Variants in YIPF5 observed in about 807,000 individuals in gnomAD.
YIPF5 encodes the protein Yip1 domain family member 5.
A neutral mutation model predicts 30.4 loss-of-function variants in YIPF5; 8 were observed. That is an observed-to-expected ratio of 0.26 (90% confidence interval 0.15 to 0.47). The LOEUF is 0.47. YIPF5 is among the 20% of genes least tolerant of loss of function. The pLI is 0.99. For missense variants in YIPF5, 282 were observed against 301.8 expected (o/e 0.93, Z 0.49); for synonymous variants, 104 against 107.9 (o/e 0.96, Z 0.23).
intron 5 of YIPF5, among the ~76,000 whole-genome samples, 155 bp from the exon 6 acceptor site, chr5:144,160,714 A>T (rs1437327642): frequency 1.3e-5 from 2 of 152,042 alleles, no homozygotes; most frequent in Admixed American, 6.5e-5. Context: ...TTTTTTTTCA[A>T]ATGCTAAAAT....
At position 144,159,042 on chromosome 5, in the gene YIPF5, T is replaced by G; in HGVS notation, c.*1355A>C. The G allele has an allele frequency of 1.0e-6, 1 of 984,436 alleles. No homozygotes were observed. The highest frequency in any genetic ancestry group is 1.2e-6 in the Non-Finnish European group (1 of 829,072). 61.0% of individuals were successfully genotyped at this position (984,436 alleles called of 1,614,324 possible). ...AATGATCAGTATACAAGATACAGTA[T>G]TTTCCTACAGATTCTCTCTGGCAAG... On this transcript the variant is annotated 3_prime_UTR_variant, in exon 6 of 6. Transcript: ENST00000274496.
In YIPF5 at chr5:144,158,478, G is replaced by A. The variant is rs904673673; in HGVS notation, c.*1919C>T. 51 of 1,270,598 alleles carry A rather than the reference G, an allele frequency of 4.0e-5. No homozygotes were observed. Among genetic ancestry groups the A allele is most frequent in the Non-Finnish European group, 4.9e-5 (48 of 982,876 alleles). 78.7% of individuals were successfully genotyped at this position (1,270,598 alleles called of 1,614,324 possible). A position where few individuals can be genotyped will look rare whatever the true frequency, so the allele number is the denominator to read the frequency against. On this transcript the variant is annotated 3_prime_UTR_variant, in exon 6 of 6. Coordinates refer to ENST00000274496, the MANE Select transcript of YIPF5 (RefSeq NM_030799.9). ...TTTGATCCATATGTGATATTTGGCTGAAGATTAACAGTGTTAAGTCTAACC... is the reference window on the plus strand; with the variant it reads ...TTTGATCCATATGTGATATTTGGCTAAAGATTAACAGTGTTAAGTCTAACC...
At chr5:144,163,834 G>A (rs1374733992) in intron 4 of YIPF5, 2 of 246,940 alleles carry the variant, frequency 8.1e-6, no homozygotes, top group East Asian at 1.5e-4. Context: ...ATTCTAATGA[G>A]GGACTGAAGC....
chr5:144,170,487 G>C (rs1273410843), intron 1 of YIPF5, 48 bp downstream of exon 1: 1 of 161,784 alleles, frequency 6.2e-6, no homozygotes, highest in Non-Finnish European at 1.4e-5. Context: ...CCATTTGCAC[G>C]GGTGTGGAGA....
chr5:144,162,534 A>T (rs1347275651), intron 4 of YIPF5, 135 bp from the exon 5 acceptor site: 8 of 789,818 alleles, frequency 1.0e-5, no homozygotes, highest in Non-Finnish European at 9.9e-6. Flanking sequence ...TTACGTAGAG[A>T]AGTAAAAGAC....
chr5:144,162,489 T>C (rs1269359758), intron 4 of YIPF5, 90 bp from the exon 5 acceptor site: 8 of 1,179,378 alleles, frequency 6.8e-6, no homozygotes, highest in Non-Finnish European at 9.6e-6. Context: ...AGCAAATAAT[T>C]TATGAGCATC....
Position 144,159,979 on chromosome 5 carries a change from A to G in YIPF5, c.*418T>C. On this transcript the variant is annotated 3_prime_UTR_variant, in exon 6 of 6. Coordinates refer to ENST00000274496, the MANE Select transcript of YIPF5 (RefSeq NM_030799.9). Reference sequence around the variant, plus strand: ...CGCCTCGGCCTCCCAAAGTGCTGGGATTACAGGCGTGAGCTACCACGCCCG... The same window carrying G: ...CGCCTCGGCCTCCCAAAGTGCTGGGGTTACAGGCGTGAGCTACCACGCCCG... The G allele has an allele frequency of 2.7e-5, 27 of 985,832 alleles. No individual in the cohort carries two copies. The highest frequency in any genetic ancestry group is 3.3e-5 in the Non-Finnish European group (27 of 830,080). 61.1% of individuals were successfully genotyped at this position (985,832 alleles called of 1,614,324 possible).
At chr5:144,160,855 T>C (rs867073124) in intron 5 of YIPF5, among the ~76,000 whole-genome samples, 1 of 152,184 alleles carries the variant, frequency 6.6e-6, no homozygotes, top group African/African-American at 2.4e-5. Flanking sequence ...CTGGATGCTA[T>C]CTTTGTTGTG....
At chr5:144,164,427 C>G (rs1752141406) in intron 3 of YIPF5, among the ~76,000 whole-genome samples, 171 bp from the exon 4 acceptor site, 1 of 151,924 alleles carries the variant, frequency 6.6e-6, no homozygotes, top group African/African-American at 2.4e-5. Flanking sequence ...TCTCCATCAC[C>G]CAGGCTGGAG....
rs1188284232 is a variant in YIPF5, at chr5:144,159,189, T to C, written c.*1208A>G. On this transcript the variant is annotated 3_prime_UTR_variant, in exon 6 of 6. Coordinates refer to ENST00000274496, the MANE Select transcript of YIPF5 (RefSeq NM_030799.9). ...TGATTTCTATTCTTAAAGCTTAAAT[T>C]AGGGGTCAAAATCAGAGCCTAGTTA... is the stretch of plus-strand genomic sequence containing the variant. 1.0e-6 allele frequency: 1 copy of C among 985,136 alleles called. No homozygotes were observed. The highest frequency in any genetic ancestry group is 1.2e-6 in the Non-Finnish European group (1 of 829,668). 61.0% of individuals were successfully genotyped at this position (985,136 alleles called of 1,614,324 possible).
chr5:144,158,647 T>C lies in YIPF5; in HGVS notation c.*1750A>G, dbSNP rs1267017412. ...AAAGACAAAAATACTATCCAAGAAT[T>C]ACAATAAAAAATTTGGTTAAGTTGG... On this transcript the variant is annotated 3_prime_UTR_variant, in exon 6 of 6. Coordinates refer to ENST00000274496, the MANE Select transcript of YIPF5 (RefSeq NM_030799.9). The C allele has an allele frequency of 3.9e-6, 4 of 1,030,276 alleles. No homozygotes were observed. In the African/African-American group the frequency reaches 6.9e-5, roughly 18 times the overall value. 63.8% of individuals were successfully genotyped at this position (1,030,276 alleles called of 1,614,324 possible). A position where few individuals can be genotyped will look rare whatever the true frequency, so the allele number is the denominator to read the frequency against.
intron 3 of YIPF5, among the ~76,000 whole-genome samples, chr5:144,165,047 A>T (rs889220418): frequency 1.3e-5 from 2 of 152,152 alleles, no homozygotes; most frequent in African/African-American, 4.8e-5. Context: ...ACCACTTCCT[A>T]GGTTTTGGAA....
chr5:144,160,996 A>G (rs1273827238), intron 5 of YIPF5, among the ~76,000 whole-genome samples: 1 of 152,170 alleles, frequency 6.6e-6, no homozygotes, highest in Non-Finnish European at 1.5e-5. Context: ...TTCCTAGTTG[A>G]AAAAAGGGTT....
intron 3 of YIPF5, 88 bp downstream of exon 3, chr5:144,165,344 G>C: frequency 1.3e-6 from 2 of 1,508,548 alleles, no homozygotes; most frequent in Non-Finnish European, 8.9e-7. Context: ...TTTTTTTAAA[G>C]GAAAAGACAA....
intron 5 of YIPF5, 137 bp downstream of exon 5, chr5:144,162,081 A>G (rs1376960976): frequency 3.6e-5 from 32 of 883,110 alleles, no homozygotes; most frequent in Non-Finnish European, 4.9e-5. Flanking sequence ...ATCCGAAACC[A>G]TTTGGCACTG....
chr5:144,164,299 G>C, intron 3 of YIPF5, 43 bp from the exon 4 acceptor site: 1 of 1,549,766 alleles, frequency 6.5e-7, no homozygotes, highest in Non-Finnish European at 8.8e-7. Context: ...GATTTGTGAT[G>C]TATTTTTAAT....
intron 3 of YIPF5, 56 bp downstream of exon 3, chr5:144,165,376 T>A: frequency 6.4e-7 from 1 of 1,554,672 alleles, no homozygotes. Flanking sequence ...TAAGATTAAT[T>A]TTCACTAACC....
chr5:144,159,636 T>C lies in YIPF5; in HGVS notation c.*761A>G, dbSNP rs1248543129. 1 of 985,356 alleles carries C rather than the reference T, an allele frequency of 1.0e-6. No individual in the cohort carries two copies. The highest frequency in any genetic ancestry group is 1.2e-6 in the Non-Finnish European group (1 of 829,908). 61.0% of individuals were successfully genotyped at this position (985,356 alleles called of 1,614,324 possible). ...ACTTTTTTGCTTTGAGTTACCTGAC[T>C]TGAGAATACAAGGCAATTTTTCTTT... On this transcript the variant is annotated 3_prime_UTR_variant, in exon 6 of 6. Coordinates refer to ENST00000274496, the MANE Select transcript of YIPF5 (RefSeq NM_030799.9).
At chr5:144,165,401 G>A in intron 3 of YIPF5, 31 bp downstream of exon 3, 1 of 1,608,754 alleles carries the variant, frequency 6.2e-7, no homozygotes, top group South Asian at 1.1e-5. Flanking sequence ...GAATACTATT[G>A]AGTACTATCA....
Sources: gnomAD v4.1 joint callset for allele counts (sites outside exome capture counted in the v4.1 genomes callset) on GRCh38, gnomAD v4.1.1 for gene constraint, MANE v1.5 for transcripts, NCBI Gene and HGNC (gene_info 2026-07-23, HGNC 2026-07-21) for gene names.